The following LOC128706665 variants were observed in gnomAD, a reference collection of about 807,000 sequenced individuals.
chr20:10,434,180 T>A, the LOC128706665 span: 1 of 152,330 alleles, frequency 6.6e-6, no homozygotes, highest in East Asian at 1.9e-4. Context: ...AAGCAGCCGC[T>A]GCTGCCGCGG....
chr20:10,423,915 T>C, the LOC128706665 span, among the ~76,000 whole-genome samples: 2 of 152,218 alleles, frequency 1.3e-5, no homozygotes, highest in Middle Eastern at 3.2e-3. Context: ...GATTAATTGC[T>C]TTAATGTTTA....
At chr20:10,418,001 T>A in the LOC128706665 span, among the ~76,000 whole-genome samples, 7 of 152,202 alleles carry the variant, frequency 4.6e-5, no homozygotes, top group Non-Finnish European at 1.0e-4. Flanking sequence ...GGATCCTGAT[T>A]CCAACAAACC....
At chr20:10,422,517 AG>A in the LOC128706665 span, among the ~76,000 whole-genome samples, 5 of 152,104 alleles carry the variant, frequency 3.3e-5, no homozygotes, top group Non-Finnish European at 5.9e-5. Flanking sequence ...AATTCTATTA[AG>A]GGCTACTTAC....
At chr20:10,416,108 C>T in the LOC128706665 span, among the ~76,000 whole-genome samples, 48 of 152,282 alleles carry the variant, frequency 3.2e-4, no homozygotes, top group South Asian at 8.3e-4. Context: ...TACCATTAGA[C>T]GAATGGTCCT....
the LOC128706665 span, among the ~76,000 whole-genome samples, chr20:10,432,818 G>T: frequency 6.0e-5 from 6 of 99,906 alleles, no homozygotes; most frequent in Non-Finnish European, 1.2e-4. Context: ...AAAAAAAATC[G>T]TGTAGTTTTG....
At chr20:10,425,300 A>G in the LOC128706665 span, among the ~76,000 whole-genome samples, 7 of 152,192 alleles carry the variant, frequency 4.6e-5, no homozygotes, top group African/African-American at 1.4e-4. Flanking sequence ...GCGATATCCT[A>G]ATTTGACCAA....
At chr20:10,415,551 A>T in the LOC128706665 span, among the ~76,000 whole-genome samples, 1 of 152,148 alleles carries the variant, frequency 6.6e-6, no homozygotes, top group Non-Finnish European at 1.5e-5. Flanking sequence ...GGGAAAGAAA[A>T]ATCTGTTTAT....
the LOC128706665 span, among the ~76,000 whole-genome samples, chr20:10,422,734 CAG>C: frequency 3.4e-5 from 5 of 147,280 alleles, no homozygotes; most frequent in Admixed American, 6.8e-5. Context: ...TTTTGTGAGA[CAG>C]AGTCTTGCTC....
the LOC128706665 span, among the ~76,000 whole-genome samples, chr20:10,425,053 C>CAA: frequency 0.16 from 19,758 of 122,108 alleles, 1,497 homozygotes; most frequent in East Asian, 0.28. Context: ...AACTCCGTCT[C>CAA]AAAAAAAAAA....
At chr20:10,413,951 A>G in the LOC128706665 span, 1 of 404,868 alleles carries the variant, frequency 2.5e-6, no homozygotes, top group Non-Finnish European at 4.4e-6. Flanking sequence ...AATAAAAAAA[A>G]CATTTTAGAG....
the LOC128706665 span, among the ~76,000 whole-genome samples, chr20:10,431,434 T>C: frequency 6.6e-6 from 1 of 151,740 alleles, no homozygotes; most frequent in Non-Finnish European, 1.5e-5. Flanking sequence ...CCAAGAAGAG[T>C]AAGGCATGAT....
At chr20:10,423,344 C>T in the LOC128706665 span, among the ~76,000 whole-genome samples, 2 of 152,154 alleles carry the variant, frequency 1.3e-5, no homozygotes, top group South Asian at 2.1e-4. Flanking sequence ...TCGCTTGGAC[C>T]TTGGGAGGCT....
At chr20:10,416,751 A>G in the LOC128706665 span, among the ~76,000 whole-genome samples, 4 of 152,240 alleles carry the variant, frequency 2.6e-5, no homozygotes, top group East Asian at 7.7e-4. Context: ...GGCAACCCCT[A>G]ATGAAATAGT....
At chr20:10,434,174 AGCC>A in the LOC128706665 span, 1 of 152,376 alleles carries the variant, frequency 6.6e-6, no homozygotes, top group East Asian at 1.9e-4. Flanking sequence ...GATCTCAAGC[AGCC>A]GCTGCTGCCG....
chr20:10,419,767 T>C, the LOC128706665 span, among the ~76,000 whole-genome samples: 1 of 152,196 alleles, frequency 6.6e-6, no homozygotes, highest in African/African-American at 2.4e-5. Context: ...ATGACTCACA[T>C]CCTGCGTGGA....
At chr20:10,429,589 C>T in the LOC128706665 span, among the ~76,000 whole-genome samples, 3 of 152,150 alleles carry the variant, frequency 2.0e-5, no homozygotes, top group Admixed American at 6.5e-5. Flanking sequence ...TTTCCTGTTT[C>T]GTTAACAAAA....
chr20:10,420,710 A>G, the LOC128706665 span: 2 of 152,154 alleles, frequency 1.3e-5, no homozygotes, highest in African/African-American at 4.8e-5. Flanking sequence ...AAAACTTTGT[A>G]GTCTCTCCAC....
chr20:10,416,511 A>G, the LOC128706665 span, among the ~76,000 whole-genome samples: 3 of 152,294 alleles, frequency 2.0e-5, no homozygotes, highest in South Asian at 2.1e-4. Context: ...ACAGATTAAT[A>G]TAACTGAAAT....
the LOC128706665 span, among the ~76,000 whole-genome samples, chr20:10,429,930 T>G: frequency 6.6e-6 from 1 of 152,228 alleles, no homozygotes; most frequent in Non-Finnish European, 1.5e-5. Flanking sequence ...GTGTTTTAAT[T>G]AATTCTTTAG....
Sources: allele counts gnomAD v4.1 joint callset (sites outside exome capture counted in the v4.1 genomes callset), GRCh38; gene constraint gnomAD v4.1.1; transcripts MANE v1.5.